Variants in SGIP1 observed in about 807,000 individuals in gnomAD.
The protein encoded by SGIP1 is SH3-containing GRB2-like protein 3-interacting protein 1.
SGIP1 carries 38 observed loss-of-function variants against 107.5 expected under a neutral mutation model. The ratio of observed to expected loss-of-function variants is 0.35; its 90% CI spans 0.27 to 0.46. The LOEUF (loss-of-function observed/expected upper bound fraction) is 0.46. SGIP1 is among the 20% of genes least tolerant of loss of function. The pLI is 1.00. For synonymous variants in SGIP1, 365 were observed against 366.1 expected, an observed-to-expected ratio of 1.00 and a Z score of 0.03; for missense variants, 929 against 1,019.5, an observed-to-expected ratio of 0.91 and a Z score of 1.21.
In SGIP1 at chr1:66,748,811, T is replaced by C. The variant is rs537831834; in HGVS notation, c.*5716T>C. Among the ~76,000 whole-genome samples, 41 of 152,054 alleles carry C rather than the reference T, an allele frequency of 2.7e-4. No individual in the cohort carries two copies. Among genetic ancestry groups the C allele is most frequent in the Non-Finnish European group, 4.9e-4 (33 of 67,894 alleles). On this transcript the variant is annotated 3_prime_UTR_variant, in exon 25 of 25. Transcript: ENST00000371037. ...ATTGTGGTCTGAGAACAAATGGTCCTATACTATAATTCTCTCTCCTTGGAC... is the reference window on the plus strand; with the variant it reads ...ATTGTGGTCTGAGAACAAATGGTCCCATACTATAATTCTCTCTCCTTGGAC...
chr1:66,589,548 ACTTTGTGC>A (rs936120053), intron 1 of SGIP1, among the ~76,000 whole-genome samples: 27 of 152,026 alleles, frequency 1.8e-4, no homozygotes, highest in Admixed American at 5.2e-4. Context: ...TTGTGATGGG[ACTTTGTGC>A]CTCCCCACCA....
chr1:66,589,196 A>ATG lies in SGIP1; in HGVS notation c.11-36650_11-36649insGT, dbSNP rs1392783237. ...TATATATATATATATATATATATAT[A>ATG]TATATATATATATATATATATGTAA... On this transcript the variant is annotated intron_variant, in intron 1 of 24. Transcript: ENST00000371037. Among the ~76,000 whole-genome samples, 23 of 55,256 alleles carry ATG rather than the reference A, an allele frequency of 4.2e-4. 1 individual carries two copies. The highest frequency in any genetic ancestry group is 1.1e-3 in the East Asian group (1 of 920). The allele number at this position is 55,256 out of a possible 152,430, so 36.3% of individuals were successfully genotyped here. A position where few individuals can be genotyped will look rare whatever the true frequency, so the allele number is the denominator to read the frequency against.
chr1:66,659,721 G>A (rs1271453899), intron 7 of SGIP1, among the ~76,000 whole-genome samples: 1 of 151,660 alleles, frequency 6.6e-6, no homozygotes, highest in Non-Finnish European at 1.5e-5. Flanking sequence ...ACTAGCCTGG[G>A]CAATATAGCA....
chr1:66,545,826 A>C (rs1002975922), intron 1 of SGIP1, among the ~76,000 whole-genome samples: 3 of 152,120 alleles, frequency 2.0e-5, no homozygotes, highest in Admixed American at 6.6e-5. Flanking sequence ...TAAAATGTTA[A>C]GCTCCCAATA....
intron 1 of SGIP1, among the ~76,000 whole-genome samples, chr1:66,569,448 G>A (rs1377464537): frequency 6.6e-6 from 1 of 151,858 alleles, no homozygotes; most frequent in African/African-American, 2.4e-5. Flanking sequence ...AGAAATGGGT[G>A]TTGGATTTTG....
At chr1:66,618,989 C>T (rs1163823394) in intron 1 of SGIP1, among the ~76,000 whole-genome samples, 2 of 152,272 alleles carry the variant, frequency 1.3e-5, no homozygotes, top group Middle Eastern at 3.4e-3. Context: ...TTTGGAAGCA[C>T]GCATTTGCAT....
At chr1:66,566,189 C>T (rs150041654) in intron 1 of SGIP1, among the ~76,000 whole-genome samples, 28 of 152,008 alleles carry the variant, frequency 1.8e-4, no homozygotes, top group African/African-American at 4.8e-4. Flanking sequence ...GTTTCCCTAG[C>T]GGTAAACAAC....
chr1:66,699,643 T>G (rs1270861280), intron 18 of SGIP1, among the ~76,000 whole-genome samples: 1 of 152,230 alleles, frequency 6.6e-6, no homozygotes, highest in Non-Finnish European at 1.5e-5. Flanking sequence ...AGGGACTTTA[T>G]GAAGCAATAT....
chr1:66,740,324 A>C (rs1035820711), intron 22 of SGIP1, among the ~76,000 whole-genome samples: 4 of 151,002 alleles, frequency 2.6e-5, no homozygotes, highest in African/African-American at 9.7e-5. Context: ...TGTCAGCCAG[A>C]TCATGACCCC....
intron 5 of SGIP1, among the ~76,000 whole-genome samples, chr1:66,641,592 G>T (rs58418199): frequency 6.6e-6 from 1 of 151,948 alleles, no homozygotes; most frequent in Non-Finnish European, 1.5e-5. Flanking sequence ...GAGAAATGGC[G>T]TCTGATTTCT....
chr1:66,731,534 TA>T lies in SGIP1; in HGVS notation c.1898+2125del, dbSNP rs530079779. Among the ~76,000 whole-genome samples the T allele has an allele frequency of 4.9e-4, 72 of 148,158 alleles. 1 individual carries two copies. The highest frequency in any genetic ancestry group is 9.8e-4 in the East Asian group (5 of 5,112). On this transcript the variant is annotated intron_variant, in intron 20 of 24. Coordinates refer to ENST00000371037, the MANE Select transcript of SGIP1 (RefSeq NM_032291.4). ...ACCCTTAAATTATTATTTACAAAAGTAAAAAAAAAAGAAATAAAATATATCC... is the reference window on the plus strand; with the variant it reads ...ACCCTTAAATTATTATTTACAAAAGTAAAAAAAAAGAAATAAAATATATCC...
At chr1:66,709,872 T>C (rs758352307) in intron 18 of SGIP1, among the ~76,000 whole-genome samples, 4 of 152,114 alleles carry the variant, frequency 2.6e-5, no homozygotes, top group Non-Finnish European at 4.4e-5. Context: ...CATCGTAGCA[T>C]TATTATTAAT....
intron 18 of SGIP1, among the ~76,000 whole-genome samples, chr1:66,716,467 A>G (rs2093250002): frequency 6.6e-6 from 1 of 152,084 alleles, no homozygotes; most frequent in Non-Finnish European, 1.5e-5. Context: ...TTCCTAAGAA[A>G]TCTCCTCACC....
intron 1 of SGIP1, among the ~76,000 whole-genome samples, chr1:66,554,858 A>C (rs1379335272): frequency 1.3e-5 from 2 of 152,176 alleles, no homozygotes; most frequent in Admixed American, 1.3e-4. Flanking sequence ...CCGATTTTTA[A>C]CATATTGTTT....
chr1:66,693,671 A>G (rs1321183440), intron 17 of SGIP1, among the ~76,000 whole-genome samples: 2 of 152,226 alleles, frequency 1.3e-5, no homozygotes, highest in Non-Finnish European at 2.9e-5. Context: ...TCCCACATAG[A>G]GTCAAAAATC....
At chr1:66,702,859 A>G (rs1436366476) in intron 18 of SGIP1, among the ~76,000 whole-genome samples, 2 of 152,190 alleles carry the variant, frequency 1.3e-5, no homozygotes, top group Non-Finnish European at 2.9e-5. Context: ...TTCACTCCCC[A>G]GAGAGGAATG....
chr1:66,568,821 T>C (rs1179677403), intron 1 of SGIP1, among the ~76,000 whole-genome samples: 1 of 151,976 alleles, frequency 6.6e-6, no homozygotes, highest in African/African-American at 2.4e-5. Context: ...TCAACATCCC[T>C]TCATGTTAAT....
At chr1:66,715,481 T>A (rs1164911321) in intron 18 of SGIP1, among the ~76,000 whole-genome samples, 1 of 144,372 alleles carries the variant, frequency 6.9e-6, no homozygotes, top group Non-Finnish European at 1.5e-5. Flanking sequence ...TGGGGGGGCG[T>A]GGGGGAGGTG....
At chr1:66,555,369 T>C (rs916600760) in intron 1 of SGIP1, among the ~76,000 whole-genome samples, 1 of 152,144 alleles carries the variant, frequency 6.6e-6, no homozygotes, top group Non-Finnish European at 1.5e-5. Context: ...CTTTATCTTA[T>C]ATCTGAACCT....
Sources: allele counts gnomAD v4.1 joint callset (sites outside exome capture counted in the v4.1 genomes callset), GRCh38; gene constraint gnomAD v4.1.1; transcripts MANE v1.5; gene names NCBI Gene and HGNC (gene_info 2026-07-23, HGNC 2026-07-21).